The following ZNF316 variants were observed in gnomAD, a reference collection of about 807,000 sequenced individuals.
The protein encoded by ZNF316 is zinc finger protein 316.
Under a neutral mutation model 75.6 loss-of-function variants are expected in ZNF316, and 23 were observed. The ratio of observed to expected loss-of-function variants is 0.30; its 90% CI spans 0.22 to 0.43. ZNF316 has a LOEUF of 0.43. Ranked by LOEUF, ZNF316 falls within the 20% of genes least tolerant of loss-of-function variation. ZNF316 has a pLI of 1.00. For synonymous variants in ZNF316, 827 were observed against 666.2 expected, an observed-to-expected ratio of 1.24 and a Z score of -3.72; for missense variants, 1,266 against 1,409.4, an observed-to-expected ratio of 0.90 and a Z score of 1.63.
Position 6,655,087 on chromosome 7 carries a change from A to G in ZNF316, c.*476A>G, listed in dbSNP as rs2464877. 92,253 of 152,224 alleles carry G rather than the reference A, an allele frequency of 0.61. 29,006 individuals are homozygous for G. The highest frequency in any genetic ancestry group is 0.94 in the East Asian group (4,858 of 5,148). 9.4% of individuals were successfully genotyped at this position (152,224 alleles called of 1,614,324 possible). On this transcript the variant is annotated 3_prime_UTR_variant, in exon 9 of 9. Coordinates refer to ENST00000382252, the MANE Select transcript of ZNF316 (RefSeq NM_001278559.2). ...GACCACTTCTTCCCATTCCTCAGTG[A>G]GAGACTTGGGCCCTCCCGGTCATCC...
chr7:6,642,939 G>A lies in ZNF316; in HGVS notation c.356-25G>A. The A allele has an allele frequency of 8.1e-7, 1 of 1,232,426 alleles. No homozygotes were observed. The highest frequency in any genetic ancestry group is 1.0e-6 in the Non-Finnish European group (1 of 988,234). 76.3% of individuals were successfully genotyped at this position (1,232,426 alleles called of 1,614,324 possible). ...TGCAGGCTGGGGGCTCAGGGCAGCT[G>A]GCCCTAAGAGATCTCTCCCCACAGG... On this transcript the variant is annotated intron_variant, in intron 5 of 8. Coordinates refer to ENST00000382252, the MANE Select transcript of ZNF316 (RefSeq NM_001278559.2). The surrounding 1 kb of genome is among the most constrained non-coding windows in gnomAD (Gnocchi z 8.1).
intron 8 of ZNF316, among the ~76,000 whole-genome samples, chr7:6,646,486 G>A (rs148985445): frequency 1.3e-5 from 2 of 152,278 alleles, no homozygotes; most frequent in South Asian, 2.1e-4. Flanking sequence ...CTTTCAGCCC[G>A]GGCAACAGTA....
intron 8 of ZNF316, among the ~76,000 whole-genome samples, chr7:6,649,176 C>T (rs1015404147): frequency 1.3e-5 from 2 of 152,188 alleles, no homozygotes; most frequent in Admixed American, 1.3e-4. Context: ...ATCGGCCTCT[C>T]CTTTTTATCA....
At position 6,652,554 on chromosome 7, in the gene ZNF316, C is replaced by T. The variant is rs1779527323; in HGVS notation, c.958C>T (p.Arg320Trp). ...TGAAGCGAAGCCTTTCCTGCCCGGC[C>T]GGGAGCCGGGTGCGAACCTGCTGTC... ...GSEAKPFLPG[R>W]EPGANLLSPW... Residue 320 changes from arginine (R) to tryptophan (W), a missense_variant, in exon 9 of 9, where the codon CGG (arginine) becomes TGG (tryptophan). Physicochemically the swap from Arg to Trp is moderately radical, Grantham distance 101. Transcript: ENST00000382252. The T allele has an allele frequency of 2.8e-5, 35 of 1,230,962 alleles. No homozygotes were observed. The highest frequency in any genetic ancestry group is 3.5e-5 in the Non-Finnish European group (35 of 987,406). The allele number at this position is 1,230,962 out of a possible 1,614,324, so 76.3% of individuals were successfully genotyped here.
chr7:6,648,379 G>A (rs1171369730), intron 8 of ZNF316, among the ~76,000 whole-genome samples: 8 of 152,196 alleles, frequency 5.3e-5, no homozygotes, highest in African/African-American at 1.9e-4. Context: ...CAGGAAAGGA[G>A]CATCGCCTGA....
At chr7:6,648,472 G>A (rs994692307) in intron 8 of ZNF316, among the ~76,000 whole-genome samples, 3 of 152,206 alleles carry the variant, frequency 2.0e-5, no homozygotes, top group Admixed American at 1.3e-4. Context: ...GGGAACTGTG[G>A]TGGCAGCAGC....
chr7:6,656,056 AGCAGCCAG>A lies in ZNF316; in HGVS notation c.*1448_*1455del, dbSNP rs1212730059. On this transcript the variant is annotated 3_prime_UTR_variant, in exon 9 of 9. Transcript: ENST00000382252. ...AGACATGGCCTTGGGGGCTGAGCGC[AGCAGCCAG>A]GCTGCCAGGGCTGGGGGCGGGTAGG... is the stretch of plus-strand genomic sequence containing the variant. The A allele has an allele frequency of 6.6e-6, 1 of 152,320 alleles. No individual in the cohort carries two copies. The highest frequency in any genetic ancestry group is 1.5e-5 in the Non-Finnish European group (1 of 68,168). 9.4% of individuals were successfully genotyped at this position (152,320 alleles called of 1,614,324 possible).
In ZNF316 at chr7:6,652,559, G is replaced by T; in HGVS notation, c.963G>T (p.Glu321Asp). ...SEAKPFLPGREPGANLLSPWA... is the reference protein window; with the variant it reads ...SEAKPFLPGRDPGANLLSPWA... ...CGAAGCCTTTCCTGCCCGGCCGGGA[G>T]CCGGGTGCGAACCTGCTGTCGCCCT... Residue 321 changes from glutamate (E) to aspartate (D), a missense_variant, in exon 9 of 9, where the codon GAG becomes GAT. Glu to Asp is a conservative substitution (Grantham distance 45). Around this residue, in one of 3 missense-constraint regions of ZNF316, gnomAD observed 961 missense variants for 990.9 expected, o/e 0.97. Transcript: ENST00000382252. 8.1e-7 allele frequency: 1 copy of T among 1,231,022 alleles called. No individual in the cohort carries two copies. Among genetic ancestry groups the T allele is most frequent in the Non-Finnish European group, 1.0e-6 (1 of 987,422 alleles). 76.3% of individuals were successfully genotyped at this position (1,231,022 alleles called of 1,614,324 possible). A position where few individuals can be genotyped will look rare whatever the true frequency, so the allele number is the denominator to read the frequency against.
chr7:6,657,311 CAAAAAAAAAA>C lies in ZNF316; in HGVS notation c.*2718_*2727del, dbSNP rs33942632. Among the ~76,000 whole-genome samples, 4 of 65,200 alleles carry C rather than the reference CAAAAAAAAAA, an allele frequency of 6.1e-5. No homozygotes were observed. The highest frequency in any genetic ancestry group is 8.2e-4 in the South Asian group (1 of 1,222). The allele number at this position is 65,200 out of a possible 152,430, so 42.8% of individuals were successfully genotyped here. On this transcript the variant is annotated 3_prime_UTR_variant, in exon 9 of 9. Transcript: ENST00000382252. ...GCCCGGCCAGAGCAACCTAATATTT[CAAAAAAAAAA>C]AAAAAAAAAAAAAAAAAGCCGGGCA...
intron 8 of ZNF316, among the ~76,000 whole-genome samples, chr7:6,646,705 G>A (rs916169965): frequency 6.6e-6 from 1 of 151,920 alleles, no homozygotes; most frequent in Non-Finnish European, 1.5e-5. Context: ...GATGCTCCCC[G>A]CCTCCCCCAG....
At chr7:6,644,174 T>G (rs952252294) in intron 7 of ZNF316, among the ~76,000 whole-genome samples, 2 of 152,046 alleles carry the variant, frequency 1.3e-5, no homozygotes, top group African/African-American at 2.4e-5. Context: ...GTGGAGGCTG[T>G]CTGTCTCTGG....
chr7:6,654,465 G>T lies in ZNF316; in HGVS notation c.2869G>T (p.Glu957Ter). ...GGCCCCAGCCCCCGCGCCCAAGCCCGAGGCGGCCGCCAAGGGGCCGTCCAG... is the reference window on the plus strand; with the variant it reads ...GGCCCCAGCCCCCGCGCCCAAGCCCTAGGCGGCCGCCAAGGGGCCGTCCAG... ...GSAPAPAPKP[E>*]AAAKGPSSAG... The change falls in exon 9 of 9, where the codon GAG becomes TAG. Residue 957 changes from glutamate to a stop codon, truncating the protein, a stop_gained. Coordinates refer to ENST00000382252, the MANE Select transcript of ZNF316 (RefSeq NM_001278559.2). LOFTEE classifies it high-confidence loss of function. The T allele has an allele frequency of 8.4e-7, 1 of 1,192,948 alleles. No individual in the cohort carries two copies. Among genetic ancestry groups the T allele is most frequent in the Non-Finnish European group, 1.0e-6 (1 of 963,248 alleles). The allele number at this position is 1,192,948 out of a possible 1,614,324, so 73.9% of individuals were successfully genotyped here.
intron 8 of ZNF316, among the ~76,000 whole-genome samples, chr7:6,649,834 C>A (rs1341160929): frequency 2.0e-5 from 3 of 152,160 alleles, no homozygotes; most frequent in Non-Finnish European, 4.4e-5. Context: ...GGGGTGCCCT[C>A]TCTACAGATC....
At chr7:6,647,524 C>T (rs1191423083) in intron 8 of ZNF316, among the ~76,000 whole-genome samples, 2 of 152,242 alleles carry the variant, frequency 1.3e-5, no homozygotes, top group Non-Finnish European at 2.9e-5. Flanking sequence ...GAGAAAGTTG[C>T]ACTGGCCGGG....
chr7:6,650,793 C>T (rs1779494173), intron 8 of ZNF316, among the ~76,000 whole-genome samples: 1 of 152,156 alleles, frequency 6.6e-6, no homozygotes, highest in Non-Finnish European at 1.5e-5. Context: ...CAGGAGGGTC[C>T]ATGAAGGTGC....
Position 6,652,796 on chromosome 7 carries a change from C to G in ZNF316, c.1200C>G (p.Pro400=). The change falls in exon 9 of 9, where the codon CCC becomes CCG. Residue 400 remains proline, a synonymous_variant. Transcript: ENST00000382252. ...AGCGCACGCACACCGGCGAGAAGCC[C>G]TTCCCGTGCCCGGACTGCGGCAAGC... is the stretch of plus-strand genomic sequence containing the variant. ...IHQRTHTGEK[P]FPCPDCGKRF... 1 of 1,272,394 alleles carries G rather than the reference C, an allele frequency of 7.9e-7. No homozygotes were observed. The highest frequency in any genetic ancestry group is 9.9e-7 in the Non-Finnish European group (1 of 1,008,690). 78.8% of individuals were successfully genotyped at this position (1,272,394 alleles called of 1,614,324 possible). A position where few individuals can be genotyped will look rare whatever the true frequency, so the allele number is the denominator to read the frequency against.
Position 6,653,859 on chromosome 7 carries a change from C to A in ZNF316, c.2263C>A (p.Arg755=). ...CTTCCCGTGCCCCGAGTGCGGCGCG[C>A]GGTTCGCCCGCGGCTCGCACTTGGC... is the stretch of plus-strand genomic sequence containing the variant. ...RPFPCPECGA[R]FARGSHLAAH... is the part of the protein sequence containing the mutation. Residue 755 remains arginine (R), a synonymous_variant, in exon 9 of 9, where the codon CGG becomes AGG. Coordinates refer to ENST00000382252, the MANE Select transcript of ZNF316 (RefSeq NM_001278559.2). 9.2e-7 allele frequency: 1 copy of A among 1,082,746 alleles called. No individual in the cohort carries two copies. The highest frequency in any genetic ancestry group is 1.1e-6 in the Non-Finnish European group (1 of 891,830). 67.1% of individuals were successfully genotyped at this position (1,082,746 alleles called of 1,614,324 possible). A position where few individuals can be genotyped will look rare whatever the true frequency, so the allele number is the denominator to read the frequency against.
rs1036340092 is a variant in ZNF316, at chr7:6,656,307, TCTGGGAATCTCAGCTCTAGCC to T, written c.*1700_*1720del. 1 of 152,124 alleles carries T rather than the reference TCTGGGAATCTCAGCTCTAGCC, an allele frequency of 6.6e-6. No homozygotes were observed. Among genetic ancestry groups the T allele is most frequent in the Non-Finnish European group, 1.5e-5 (1 of 68,064 alleles). 9.4% of individuals were successfully genotyped at this position (152,124 alleles called of 1,614,324 possible). On this transcript the variant is annotated 3_prime_UTR_variant, in exon 9 of 9. Transcript: ENST00000382252. ...CAAGGGCAAGGTGGGCTTGGGGGGC[TCTGGGAATCTCAGCTCTAGCC>T]CTGTATGGCCAGGATCTGCTGTCTC...
chr7:6,643,593 C>T (rs951450648), intron 6 of ZNF316, among the ~76,000 whole-genome samples: 1 of 152,198 alleles, frequency 6.6e-6, no homozygotes, highest in East Asian at 1.9e-4. Context: ...TGAGCCACAG[C>T]TCTGCCCTAC....
Sources: gnomAD v4.1 joint callset for allele counts (sites outside exome capture counted in the v4.1 genomes callset) on GRCh38, gnomAD v4.1.1 for gene constraint, gnomAD v4.1.1 regional missense constraint, Gnocchi (gnomAD v3.1) non-coding constraint, MANE v1.5 for transcripts, NCBI Gene and HGNC (gene_info 2026-07-23, HGNC 2026-07-21) for gene names.